The following SEPTIN12 variants were observed in gnomAD, a reference collection of about 807,000 sequenced individuals.
SEPTIN12 encodes the protein septin-12.
In SEPTIN12, 42 loss-of-function variants were observed where a neutral mutation model predicts 37.7. The observed-to-expected ratio is 1.11, with a 90% CI of 0.87 to 1.44. The LOEUF (loss-of-function observed/expected upper bound fraction) is 1.44, where lower values mean the gene tolerates loss of function less well. Among genes scored for constraint, SEPTIN12 ranks in the 40% most tolerant of loss-of-function variants. The pLI, the probability that SEPTIN12 is intolerant of heterozygous loss-of-function variation, is 0.00. For synonymous variants in SEPTIN12, 254 were observed against 196.7 expected (o/e 1.29, Z -2.44); for missense variants, 613 against 479.2 (o/e 1.28, Z -2.61).
chr16:4,790,337 T>C (rs909260909), upstream of SEPTIN12, among the ~76,000 whole-genome samples: 2 of 152,212 alleles, frequency 1.3e-5, no homozygotes, highest in African/African-American at 4.8e-5. Flanking sequence ...GGCGTGGCTG[T>C]GTCTAAGTAA....
In SEPTIN12 at chr16:4,784,312, C is replaced by T. The variant is rs926450693; in HGVS notation, c.375-244G>A. The T allele has an allele frequency of 4.2e-5, 22 of 526,994 alleles. No individual in the cohort carries two copies. In the Admixed American group the frequency reaches 4.7e-4, roughly 11 times the overall value. The allele number at this position is 526,994 out of a possible 1,614,324, so 32.6% of individuals were successfully genotyped here. The stretch of plus-strand genomic sequence containing the variant: ...GGAGACAATAGTAGCACCTACGTTG[C>T]AAGTAAGGGAGGGGTGAGCATTAAC... On this transcript the variant is annotated intron_variant, in intron 4 of 9. Transcript: ENST00000268231.
chr16:4,778,045 C>T (rs1289663731), intron 9 of SEPTIN12, 41 bp downstream of exon 9: 3 of 1,613,050 alleles, frequency 1.9e-6, no homozygotes, highest in Non-Finnish European at 2.5e-6. Context: ...TCCCCAGGGC[C>T]CCTCGCCAGC....
chr16:4,784,229 A>G (rs1435282358), intron 4 of SEPTIN12, 161 bp from the exon 5 acceptor site: 3 of 697,218 alleles, frequency 4.3e-6, no homozygotes, highest in East Asian at 2.7e-5. Flanking sequence ...ACTTCCCTGC[A>G]TCATCAGAGA....
chr16:4,783,534 GT>G lies in SEPTIN12; in HGVS notation c.653del (p.His218ProfsTer33). The stretch of plus-strand genomic sequence containing the variant: ...ACATCTGGGGGTAGACGTCGATGCA[GT>G]GGGTCCTCAGGTTCTGCTGGATCTG... Reference protein sequence around the residue: ...RRRIQQNLRTHCIDVYPQMCF... With the variant: ...RRRIQQNLRTXCIDVYPQMCF... On this transcript the variant is annotated frameshift_variant, in exon 7 of 10. Transcript: ENST00000268231. LOFTEE classifies it high-confidence loss of function. The G allele has an allele frequency of 6.2e-7, 1 of 1,614,180 alleles. No individual in the cohort carries two copies. The highest frequency in any genetic ancestry group is 8.5e-7 in the Non-Finnish European group (1 of 1,180,018).
chr16:4,779,648 A>G, intron 8 of SEPTIN12, 42 bp downstream of exon 8: 3 of 1,299,864 alleles, frequency 2.3e-6, no homozygotes, highest in Non-Finnish European at 3.4e-6. Flanking sequence ...CTGGTTTCCA[A>G]ACTGACCCCA....
chr16:4,784,352 A>G (rs1294184377), intron 4 of SEPTIN12: 1 of 403,294 alleles, frequency 2.5e-6, no homozygotes, highest in African/African-American at 2.0e-5. Context: ...TTAAAGGGCC[A>G]CAGCTGGGCC....
chr16:4,784,036 T>C lies in SEPTIN12; in HGVS notation c.407A>G (p.Gln136Arg). The part of the protein sequence containing the change: ...WDPILGYINE[Q>R]YEQYLQEEIL... ...CTCCTCCTGCAGGTACTGCTCGTATTGCTCGTTGATGTAGCCCAGGATGGG... is the reference window on the plus strand; with the variant it reads ...CTCCTCCTGCAGGTACTGCTCGTATCGCTCGTTGATGTAGCCCAGGATGGG... Residue 136 changes from glutamine to arginine, a missense_variant, in exon 5 of 10, where the codon CAA becomes CGA. Transcript: ENST00000268231. The C allele has an allele frequency of 1.2e-6, 2 of 1,614,186 alleles. No individual in the cohort carries two copies. Among genetic ancestry groups the C allele is most frequent in the Non-Finnish European group, 1.7e-6 (2 of 1,180,028 alleles).
chr16:4,788,380 G>A (rs1432146270), upstream of SEPTIN12: 3 of 152,762 alleles, frequency 2.0e-5, no homozygotes, highest in Non-Finnish European at 4.4e-5. Context: ...GTTAACCGAA[G>A]AATCTGAGCT....
rs1261494396 is a variant in SEPTIN12, at chr16:4,785,859, G to C, written c.322C>G (p.Leu108Val). 2.5e-6 allele frequency: 4 copies of C among 1,613,288 alleles called. No homozygotes were observed. Among genetic ancestry groups the C allele is most frequent in the African/African-American group, 2.7e-5 (2 of 74,710 alleles). ...VIEEKGVKLK[L>V]TVTDTPGFGD... is the part of the protein sequence containing the mutation. ...AAGCCGGGCGTGTCCGTCACCGTCA[G>C]CTTCAGCTTCACACCCTTCTCCTCT... Residue 108 changes from leucine (L) to valine (V), a missense_variant, in exon 4 of 10, where the codon CTG becomes GTG. Transcript: ENST00000268231.
At chr16:4,790,519 T>C (rs1169740234), upstream of SEPTIN12, among the ~76,000 whole-genome samples, 1 of 152,140 alleles carries the variant, frequency 6.6e-6, no homozygotes, top group African/African-American at 2.4e-5. Flanking sequence ...GCCAGGTGCG[T>C]TGACTCATGC....
At chr16:4,789,391 T>A (rs1489822339), upstream of SEPTIN12, among the ~76,000 whole-genome samples, 2 of 151,948 alleles carry the variant, frequency 1.3e-5, no homozygotes, top group Non-Finnish European at 2.9e-5. Context: ...AGTGGCATGA[T>A]CTCGGCTCAC....
intron 8 of SEPTIN12, among the ~76,000 whole-genome samples, chr16:4,778,944 C>T (rs977198329): frequency 6.6e-6 from 1 of 151,816 alleles, no homozygotes; most frequent in Non-Finnish European, 1.5e-5. Flanking sequence ...TTGAGACCAG[C>T]CTGGCAACAT....
At chr16:4,778,221 C>A in intron 8 of SEPTIN12, 84 bp from the exon 9 acceptor site, 1 of 1,390,406 alleles carries the variant, frequency 7.2e-7, no homozygotes, top group Non-Finnish European at 1.0e-6. Flanking sequence ...ACACCATTTC[C>A]CTTAGCCCTT....
chr16:4,778,866 G>A (rs1187553684), intron 8 of SEPTIN12, among the ~76,000 whole-genome samples: 2 of 151,684 alleles, frequency 1.3e-5, no homozygotes, highest in Admixed American at 6.6e-5. Flanking sequence ...CTGACCGGGC[G>A]CGGTGGCACA....
rs146060866 is a variant in SEPTIN12 at position 4,783,771 on chromosome 16, C to A, written c.513-5G>T. On this transcript the variant is annotated splice_region_variant and splice_polypyrimidine_tract_variant and intron_variant, in intron 5 of 9. Transcript: ENST00000268231. ...TCAATGTCCAGGGGCCGCAGGCTGCCGGAGGCAGGGCAGTGATGGGGGTGG... is the reference window on the plus strand; with the variant it reads ...TCAATGTCCAGGGGCCGCAGGCTGCAGGAGGCAGGGCAGTGATGGGGGTGG... 1 of 1,613,166 alleles carries A rather than the reference C, an allele frequency of 6.2e-7. No homozygotes were observed. The highest frequency in any genetic ancestry group is 8.5e-7 in the Non-Finnish European group (1 of 1,179,568).
intron 7 of SEPTIN12, among the ~76,000 whole-genome samples, chr16:4,780,057 C>G (rs1351090497): frequency 6.6e-6 from 1 of 151,852 alleles, no homozygotes; most frequent in Non-Finnish European, 1.5e-5. Context: ...GCCTGGGCAA[C>G]ATGGTGAAAG....
rs1467437075 is a variant in SEPTIN12 at position 4,787,587 on chromosome 16, C to T, written c.59G>A (p.Ser20Asn). 6.2e-7 allele frequency: 1 copy of T among 1,608,116 alleles called. No individual in the cohort carries two copies. Residue 20 changes from serine (S) to asparagine (N), a missense_variant, in exon 2 of 10, where the codon AGC (serine) becomes AAC (asparagine). Transcript: ENST00000268231. ...PCLSSQPSSP[S>N]TPPCEMLGPV... Reference sequence around the variant, plus strand: ...ACCAAGCATCTCGCAGGGTGGGGTGCTGGGGCTGGAGGGCTGCGAGGACAG... The same window carrying T: ...ACCAAGCATCTCGCAGGGTGGGGTGTTGGGGCTGGAGGGCTGCGAGGACAG...
rs2082434054 is a variant in SEPTIN12, at chr16:4,785,845, G to A, written c.336C>T (p.Asp112=). The part of the protein sequence containing the change: ...KGVKLKLTVT[D]TPGFGDQINN... ...TGATCTGGTCCCCGAAGCCGGGCGT[G>A]TCCGTCACCGTCAGCTTCAGCTTCA... Residue 112 remains aspartate (D), a synonymous_variant, in exon 4 of 10, where the codon GAC becomes GAT. Coordinates refer to ENST00000268231, the MANE Select transcript of SEPTIN12 (RefSeq NM_144605.5). The A allele has an allele frequency of 1.9e-6, 3 of 1,613,232 alleles. No homozygotes were observed. Among genetic ancestry groups the A allele is most frequent in the Non-Finnish European group, 2.5e-6 (3 of 1,179,828 alleles).
chr16:4,777,621 C>G lies in SEPTIN12; in HGVS notation c.*176G>C. Reference sequence around the variant, plus strand: ...CCAGCCTGGGTAACAGAGTGACACCCAGCCTTTTTATTTGTGGATAGCTCA... The same window carrying G: ...CCAGCCTGGGTAACAGAGTGACACCGAGCCTTTTTATTTGTGGATAGCTCA... On this transcript the variant is annotated 3_prime_UTR_variant, in exon 10 of 10. Transcript: ENST00000268231. The G allele has an allele frequency of 1.7e-6, 1 of 588,106 alleles. No homozygotes were observed. The highest frequency in any genetic ancestry group is 2.9e-5 in the East Asian group (1 of 34,664). 36.4% of individuals were successfully genotyped at this position (588,106 alleles called of 1,614,324 possible).
Sources: gnomAD v4.1 joint callset for allele counts (sites outside exome capture counted in the v4.1 genomes callset) on GRCh38, gnomAD v4.1.1 for gene constraint, MANE v1.5 for transcripts, NCBI Gene and HGNC (gene_info 2026-07-23, HGNC 2026-07-21) for gene names.